Variants in TMEM232 observed in about 807,000 individuals in gnomAD.
TMEM232 encodes the protein transmembrane protein 232.
In TMEM232, 80 loss-of-function variants were observed where a neutral mutation model predicts 78.8. That is an observed-to-expected ratio of 1.01 (90% CI 0.85 to 1.22). The LOEUF is 1.22. TMEM232 is among the 50% of genes most tolerant of loss of function. The pLI, the probability that TMEM232 is intolerant of heterozygous loss-of-function variation, is 0.00. For missense variants in TMEM232, 881 were observed against 742.2 expected, an observed-to-expected ratio of 1.19 and a Z score of -2.17; for synonymous variants, 297 against 254.3, an observed-to-expected ratio of 1.17 and a Z score of -1.60.
At chr5:110,529,348 C>T (rs1327730583) in intron 11 of TMEM232, among the ~76,000 whole-genome samples, 1 of 151,934 alleles carries the variant, frequency 6.6e-6, no homozygotes, top group Non-Finnish European at 1.5e-5. Flanking sequence ...TGGGTTCAAC[C>T]GATTCTCCTG....
chr5:110,497,597 G>A (rs979464529), intron 12 of TMEM232, among the ~76,000 whole-genome samples: 6 of 152,112 alleles, frequency 3.9e-5, no homozygotes, highest in African/African-American at 1.4e-4. Context: ...TCTTGGAAGA[G>A]CAGATCTGAC....
intron 11 of TMEM232, among the ~76,000 whole-genome samples, chr5:110,533,388 A>T (rs561425798): frequency 6.6e-6 from 1 of 152,296 alleles, no homozygotes; most frequent in African/African-American, 2.4e-5. Context: ...TAGTTACTGC[A>T]GTCAGAATTC....
chr5:110,580,206 T>A (rs1278678208), intron 10 of TMEM232, among the ~76,000 whole-genome samples: 1 of 151,804 alleles, frequency 6.6e-6, no homozygotes, highest in Non-Finnish European at 1.5e-5. Flanking sequence ...ACAGACTGCA[T>A]ATATGACAGT....
At chr5:110,646,773 T>C (rs943844848) in intron 2 of TMEM232, among the ~76,000 whole-genome samples, 13 of 151,740 alleles carry the variant, frequency 8.6e-5, no homozygotes, top group Non-Finnish European at 1.5e-5. Flanking sequence ...AGAAAATACT[T>C]GCAAACCATG....
intron 11 of TMEM232, among the ~76,000 whole-genome samples, chr5:110,531,308 GTC>G (rs1345555043): frequency 1.3e-5 from 2 of 152,150 alleles, no homozygotes; most frequent in Non-Finnish European, 2.9e-5. Context: ...CTGTTTAGTA[GTC>G]TCTTCACACG....
chr5:110,510,894 C>T lies in TMEM232; in HGVS notation c.1703+17694G>A, dbSNP rs566282211. On this transcript the variant is annotated intron_variant, in intron 12 of 13. Transcript: ENST00000455884. Reference sequence around the variant, plus strand: ...TGTAGAAGACAGTGTGGAGATTCCTCAAGGATCTAGAATCAGAAATACCAT... The same window carrying T: ...TGTAGAAGACAGTGTGGAGATTCCTTAAGGATCTAGAATCAGAAATACCAT... Among the ~76,000 whole-genome samples, 45 of 152,220 alleles carry T rather than the reference C, an allele frequency of 3.0e-4. 1 individual carries two copies. Among genetic ancestry groups the T allele is most frequent in the African/African-American group, 1.0e-3 (42 of 41,538 alleles).
chr5:110,424,179 G>T lies in TMEM232; in HGVS notation c.1797+644C>A, dbSNP rs77148907. ...GAAAAAATTAATTGTTAATTTAATT[G>T]CAATCTGAGAGATAATATTGAACTA... On this transcript the variant is annotated intron_variant, in intron 13 of 13. Transcript: ENST00000455884. Among the ~76,000 whole-genome samples, 183 of 152,120 alleles carry T rather than the reference G, an allele frequency of 1.2e-3. 7 individuals are homozygous for T. The East Asian group carries it at 0.029, about 24-fold the overall frequency.
At chr5:110,422,663 G>T (rs1292054576) in intron 13 of TMEM232, among the ~76,000 whole-genome samples, 1 of 151,932 alleles carries the variant, frequency 6.6e-6, no homozygotes, top group African/African-American at 2.4e-5. Context: ...CCAAGAAGGG[G>T]TATCATATCA....
intron 2 of TMEM232, among the ~76,000 whole-genome samples, chr5:110,400,536 C>T (rs1020365106): frequency 6.6e-5 from 10 of 151,796 alleles, no homozygotes; most frequent in Middle Eastern, 3.4e-3. Flanking sequence ...ATAAGACATA[C>T]ATCAGATGTC....
chr5:110,544,115 CT>C (rs951083150), intron 11 of TMEM232, among the ~76,000 whole-genome samples: 4 of 152,062 alleles, frequency 2.6e-5, no homozygotes, highest in African/African-American at 9.7e-5. Flanking sequence ...ATTATGTGTT[CT>C]TAATTTTTAG....
intron 13 of TMEM232, among the ~76,000 whole-genome samples, chr5:110,421,508 G>A (rs1756641800): frequency 6.6e-6 from 1 of 152,024 alleles, no homozygotes; most frequent in African/African-American, 2.4e-5. Context: ...AACACTTTAT[G>A]TTGGGTAAAA....
chr5:110,492,246 C>G (rs56776833), intron 12 of TMEM232, among the ~76,000 whole-genome samples: 21,736 of 151,528 alleles, frequency 0.14, 3,969 homozygotes, highest in African/African-American at 0.43. Flanking sequence ...AATAAAAGCA[C>G]ATAATATTAT....
At chr5:110,594,425 C>A (rs1158251443) in intron 10 of TMEM232, among the ~76,000 whole-genome samples, 1 of 151,902 alleles carries the variant, frequency 6.6e-6, no homozygotes, top group Non-Finnish European at 1.5e-5. Flanking sequence ...TTTTTCATAC[C>A]CCAGTGGTGC....
intron 8 of TMEM232, chr5:110,617,865 T>C (rs987732896): frequency 1.3e-5 from 2 of 155,440 alleles, no homozygotes; most frequent in African/African-American, 4.8e-5. Context: ...ATAGCCAGTG[T>C]GGTGGTGTAT....
At chr5:110,651,849 A>G (rs1788351278) in intron 2 of TMEM232, among the ~76,000 whole-genome samples, 1 of 152,134 alleles carries the variant, frequency 6.6e-6, no homozygotes, top group Non-Finnish European at 1.5e-5. Flanking sequence ...ACTCACCTCA[A>G]GTCTACCTCT....
chr5:110,699,126 G>A (rs1255983929), intron 1 of TMEM232, among the ~76,000 whole-genome samples: 2 of 152,022 alleles, frequency 1.3e-5, no homozygotes, highest in Non-Finnish European at 2.9e-5. Context: ...AAGGTCCTCT[G>A]GGAAATGCTC....
intron 11 of TMEM232, among the ~76,000 whole-genome samples, chr5:110,556,608 T>C (rs1775122778): frequency 6.6e-6 from 1 of 152,098 alleles, no homozygotes; most frequent in Non-Finnish European, 1.5e-5. Flanking sequence ...AGGCTGGTCT[T>C]GAACTCGAGC....
At chr5:110,650,173 T>C (rs1224892637) in intron 2 of TMEM232, among the ~76,000 whole-genome samples, 2 of 152,052 alleles carry the variant, frequency 1.3e-5, no homozygotes, top group African/African-American at 4.8e-5. Context: ...ACTTTAGTCA[T>C]AAATTAAAAT....
At chr5:110,643,150 G>A (rs528608370) in intron 2 of TMEM232, among the ~76,000 whole-genome samples, 12 of 152,142 alleles carry the variant, frequency 7.9e-5, no homozygotes, top group East Asian at 7.7e-4. Context: ...GAAAGAAGTC[G>A]TGACTCAACT....
Sources: allele counts gnomAD v4.1 joint callset (sites outside exome capture counted in the v4.1 genomes callset), GRCh38; gene constraint gnomAD v4.1.1; transcripts MANE v1.5; gene names NCBI Gene and HGNC (gene_info 2026-07-23, HGNC 2026-07-21).